FAM171B: variants seen among roughly 807,000 people sequenced by gnomAD.
FAM171B encodes the protein family with sequence similarity 171 member B, also known as protein FAM171B.
Under a neutral mutation model 75.6 loss-of-function variants are expected in FAM171B, and 19 were observed. The ratio of observed to expected loss-of-function variants is 0.25; its 90% CI spans 0.18 to 0.37. FAM171B has a LOEUF of 0.37. Ranked by LOEUF, FAM171B falls within the 10% of genes least tolerant of loss-of-function variation. The pLI is 1.00. For synonymous variants in FAM171B, 367 were observed against 361.7 expected, an observed-to-expected ratio of 1.01 and a Z score of -0.17; for missense variants, 848 against 982.4, an observed-to-expected ratio of 0.86 and a Z score of 1.83.
chr2:186,734,769 C>T (rs931907726), intron 1 of FAM171B, among the ~76,000 whole-genome samples: 11 of 152,324 alleles, frequency 7.2e-5, no homozygotes, highest in Non-Finnish European at 1.3e-4. Flanking sequence ...CACCCTCAGC[C>T]TCTGCTGTTT....
intron 1 of FAM171B, among the ~76,000 whole-genome samples, chr2:186,724,808 A>G (rs1273968588): frequency 6.6e-6 from 1 of 152,174 alleles, no homozygotes; most frequent in African/African-American, 2.4e-5. Context: ...GCCATTGTGG[A>G]TCAGAATGGA....
chr2:186,758,202 A>G (rs754523196), intron 6 of FAM171B, among the ~76,000 whole-genome samples: 3 of 152,172 alleles, frequency 2.0e-5, no homozygotes, highest in African/African-American at 4.8e-5. Flanking sequence ...AGCAGCTCAC[A>G]TGGGTTAGAT....
At chr2:186,750,208 T>C (rs919375622) in intron 4 of FAM171B, among the ~76,000 whole-genome samples, 1 of 152,186 alleles carries the variant, frequency 6.6e-6, no homozygotes, top group African/African-American at 2.4e-5. Context: ...TGTAATAGTT[T>C]TATTCTTCAT....
intron 4 of FAM171B, among the ~76,000 whole-genome samples, chr2:186,749,805 G>C (rs1690423191): frequency 6.6e-6 from 1 of 152,080 alleles, no homozygotes; most frequent in East Asian, 1.9e-4. Flanking sequence ...GAAAGTTCTT[G>C]AAGGTTCTTC....
At chr2:186,695,031 T>G (rs1168968185) in intron 1 of FAM171B, 1 of 152,106 alleles carries the variant, frequency 6.6e-6, no homozygotes, top group Non-Finnish European at 1.5e-5. Context: ...TACAATAAGA[T>G]GAAGCAAAAC....
At chr2:186,722,435 A>AT (rs375201480) in intron 1 of FAM171B, among the ~76,000 whole-genome samples, 1 of 152,204 alleles carries the variant, frequency 6.6e-6, no homozygotes. Context: ...CTTAAAAAAA[A>AT]GGGACTTAAC....
Position 186,761,956 on chromosome 2 carries a change from C to T in FAM171B, c.1614C>T (p.Pro538=). The part of the protein sequence containing the change: ...PEQLMHIYSQ[P]IAILQTSDLF... ...AGCTTATGCATATTTACAGCCAACC[C>T]ATTGCCATCCTTCAAACATCTGACC... is the stretch of plus-strand genomic sequence containing the variant. The change falls in exon 8 of 8, where the codon CCC becomes CCT. Residue 538 remains proline, a synonymous_variant. Transcript: ENST00000304698. The T allele has an allele frequency of 1.2e-6, 2 of 1,613,452 alleles. No individual in the cohort carries two copies. The highest frequency in any genetic ancestry group is 1.7e-6 in the Non-Finnish European group (2 of 1,179,782).
At chr2:186,761,007 A>T in intron 6 of FAM171B, 106 bp from the exon 7 acceptor site, 1 of 1,214,392 alleles carries the variant, frequency 8.2e-7, no homozygotes, top group Non-Finnish European at 1.1e-6. Context: ...GGGGGCAAAC[A>T]AATAAAAGTA....
chr2:186,715,665 A>G (rs539310145), intron 1 of FAM171B, among the ~76,000 whole-genome samples: 70 of 152,318 alleles, frequency 4.6e-4, no homozygotes, highest in African/African-American at 1.6e-3. Flanking sequence ...ATTTCCCAAC[A>G]ATTTACTATG....
rs377479535 is a variant in FAM171B, at chr2:186,712,278, A to G, written c.238+17867A>G. ...TGTTTAATTATCTAAGTGCATTGCT[A>G]TGAAACATAATCTCTCATTCTGCCT... On this transcript the variant is annotated intron_variant, in intron 1 of 7. Transcript: ENST00000304698. Among the ~76,000 whole-genome samples, 6 of 152,210 alleles carry G rather than the reference A, an allele frequency of 3.9e-5. No individual in the cohort carries two copies. The East Asian group carries it at 7.7e-4, about 20-fold the overall frequency.
At chr2:186,713,188 G>A (rs780779772) in intron 1 of FAM171B, among the ~76,000 whole-genome samples, 1 of 152,184 alleles carries the variant, frequency 6.6e-6, no homozygotes, top group Non-Finnish European at 1.5e-5. Context: ...GTGGTTAAGG[G>A]AGGCGGGACT....
At chr2:186,716,786 G>T (rs1689881046) in intron 1 of FAM171B, among the ~76,000 whole-genome samples, 3 of 152,100 alleles carry the variant, frequency 2.0e-5, no homozygotes, top group Non-Finnish European at 4.4e-5. Context: ...TGTACAGTTT[G>T]CATTTTCATA....
intron 1 of FAM171B, among the ~76,000 whole-genome samples, chr2:186,733,454 C>G (rs1019823944): frequency 6.6e-6 from 1 of 152,130 alleles, no homozygotes; most frequent in Non-Finnish European, 1.5e-5. Flanking sequence ...GTCACAGGAG[C>G]CTTGGGGTGT....
chr2:186,759,932 G>A (rs1690589865), intron 6 of FAM171B, among the ~76,000 whole-genome samples: 1 of 152,066 alleles, frequency 6.6e-6, no homozygotes, highest in South Asian at 2.1e-4. Flanking sequence ...TTAGATTTAA[G>A]TCTTTAATCT....
intron 1 of FAM171B, among the ~76,000 whole-genome samples, chr2:186,705,814 G>A (rs893670189): frequency 3.3e-5 from 5 of 152,148 alleles, no homozygotes; most frequent in Admixed American, 6.5e-5. Flanking sequence ...ATGTATCTCC[G>A]TCACTTCTTT....
chr2:186,724,665 A>C (rs1018116823), intron 1 of FAM171B, among the ~76,000 whole-genome samples: 1 of 152,194 alleles, frequency 6.6e-6, no homozygotes, highest in African/African-American at 2.4e-5. Context: ...TGTCATTTTG[A>C]CAAAGACTTT....
intron 1 of FAM171B, among the ~76,000 whole-genome samples, chr2:186,728,906 C>T (rs981136944): frequency 4.6e-5 from 7 of 152,202 alleles, no homozygotes; most frequent in South Asian, 2.1e-4. Context: ...TACATAAAGA[C>T]GTAAATGTCA....
At chr2:186,706,542 G>T (rs1318418897) in intron 1 of FAM171B, among the ~76,000 whole-genome samples, 2 of 152,196 alleles carry the variant, frequency 1.3e-5, no homozygotes, top group African/African-American at 2.4e-5. Flanking sequence ...GGAGAAATTT[G>T]TATCTCGGCA....
intron 1 of FAM171B, among the ~76,000 whole-genome samples, chr2:186,729,039 T>C (rs1690075076): frequency 6.6e-6 from 1 of 152,200 alleles, no homozygotes; most frequent in Admixed American, 6.5e-5. Context: ...AATATTCCTT[T>C]ATACCTATTT....
Sources: gnomAD v4.1 joint callset for allele counts (sites outside exome capture counted in the v4.1 genomes callset) on GRCh38, gnomAD v4.1.1 for gene constraint, MANE v1.5 for transcripts, NCBI Gene and HGNC (gene_info 2026-07-23, HGNC 2026-07-21) for gene names.